Variants in AUTS2 observed in about 807,000 individuals in gnomAD.
The protein encoded by AUTS2 is autism susceptibility gene 2 protein.
In AUTS2, 17 loss-of-function variants were observed where a neutral mutation model predicts 112.4. That is an observed-to-expected ratio of 0.15 (90% confidence interval 0.10 to 0.23). The LOEUF (loss-of-function observed/expected upper bound fraction) is 0.23, where lower values mean the gene tolerates loss of function less well. AUTS2 is among the 10% of genes least tolerant of loss of function. The pLI is 1.00. For missense variants in AUTS2, 1,510 were observed against 1,701.6 expected (o/e 0.89, Z 1.98); for synonymous variants, 751 against 702.7 (o/e 1.07, Z -1.09).
chr7:69,831,292 A>G (rs1487704693), intron 1 of AUTS2, among the ~76,000 whole-genome samples: 3 of 152,202 alleles, frequency 2.0e-5, no homozygotes, highest in Non-Finnish European at 4.4e-5. Context: ...AAGCTCTGAT[A>G]GAAGCTCAGA....
chr7:69,806,079 T>C (rs1173549473), intron 1 of AUTS2, among the ~76,000 whole-genome samples: 1 of 148,754 alleles, frequency 6.7e-6, no homozygotes, highest in African/African-American at 2.6e-5. Flanking sequence ...TTGTAACTTT[T>C]GATAGAGACA....
chr7:69,763,771 G>A (rs1296432156), intron 1 of AUTS2, among the ~76,000 whole-genome samples: 2 of 152,208 alleles, frequency 1.3e-5, no homozygotes, highest in Non-Finnish European at 2.9e-5. Context: ...ATGTGCTGCT[G>A]TGGTTTTGTC....
intron 6 of AUTS2, among the ~76,000 whole-genome samples, chr7:70,754,088 G>A (rs898567308): frequency 2.6e-5 from 4 of 152,138 alleles, no homozygotes. Context: ...GTGAACCCAG[G>A]AAGCGGAGCT....
At chr7:69,738,229 AT>A (rs558364462) in intron 1 of AUTS2, among the ~76,000 whole-genome samples, 82 of 147,864 alleles carry the variant, frequency 5.5e-4, no homozygotes, top group African/African-American at 1.1e-3. Context: ...CCTTGGATCC[AT>A]TTTTTTTTTC....
intron 5 of AUTS2, among the ~76,000 whole-genome samples, chr7:70,612,597 G>A (rs1195284314): frequency 6.6e-6 from 1 of 152,024 alleles, no homozygotes; most frequent in Non-Finnish European, 1.5e-5. Context: ...GGCCTGGGTG[G>A]CACAGGGCTG....
At position 69,659,528 on chromosome 7, in the gene AUTS2, C is replaced by T. The variant is rs533591920; in HGVS notation, c.309+59566C>T. Among the ~76,000 whole-genome samples, 75 of 139,046 alleles carry T rather than the reference C, an allele frequency of 5.4e-4. 1 individual carries two copies. The highest frequency in any genetic ancestry group is 1.6e-3 in the African/African-American group (60 of 37,388). 91.2% of individuals were successfully genotyped at this position (139,046 alleles called of 152,430 possible). ...CAGGGGATGGATACTTACAACAGCT[C>T]TGCATGATAGGGATAATATTCCTAT... is the stretch of plus-strand genomic sequence containing the variant. On this transcript the variant is annotated intron_variant, in intron 1 of 18. Transcript: ENST00000342771.
At chr7:69,846,110 T>TG (rs398040324) in intron 1 of AUTS2, among the ~76,000 whole-genome samples, 17 of 151,936 alleles carry the variant, frequency 1.1e-4, no homozygotes, top group African/African-American at 3.9e-4. Flanking sequence ...TTTTTTTTTT[T>TG]GGTCTGTGCC....
At chr7:70,084,059 A>G (rs1006458412) in intron 2 of AUTS2, among the ~76,000 whole-genome samples, 1 of 152,140 alleles carries the variant, frequency 6.6e-6, no homozygotes, top group Non-Finnish European at 1.5e-5. Context: ...TCCCTGGCAA[A>G]AAAACAAAAC....
intron 2 of AUTS2, among the ~76,000 whole-genome samples, chr7:70,061,882 G>C (rs1802264934): frequency 6.6e-6 from 1 of 151,638 alleles, no homozygotes; most frequent in Non-Finnish European, 1.5e-5. Context: ...CTGCCTCCCG[G>C]GTTCAAGCAA....
At chr7:69,902,209 A>G (rs1794997124) in intron 2 of AUTS2, among the ~76,000 whole-genome samples, 1 of 152,156 alleles carries the variant, frequency 6.6e-6, no homozygotes, top group Non-Finnish European at 1.5e-5. Flanking sequence ...TTATGTGATC[A>G]TTGGTAAAAG....
chr7:70,174,503 A>C (rs1808879933), intron 4 of AUTS2, among the ~76,000 whole-genome samples: 1 of 152,212 alleles, frequency 6.6e-6, no homozygotes, highest in Admixed American at 6.5e-5. Context: ...ACTGTAGACA[A>C]AACAGCCTTC....
intron 2 of AUTS2, among the ~76,000 whole-genome samples, chr7:69,990,927 C>T (rs1457674508): frequency 6.6e-6 from 1 of 152,160 alleles, no homozygotes; most frequent in Non-Finnish European, 1.5e-5. Context: ...ATTTGTGTTC[C>T]TCAATCTCTG....
intron 2 of AUTS2, among the ~76,000 whole-genome samples, chr7:70,061,781 C>CTT (rs777176481): frequency 2.1e-5 from 3 of 140,370 alleles, no homozygotes; most frequent in African/African-American, 2.6e-5. Context: ...GTTATTTCTT[C>CTT]TTTTTTTTTT....
chr7:70,421,151 G>A (rs563854930), intron 4 of AUTS2, among the ~76,000 whole-genome samples: 2 of 152,188 alleles, frequency 1.3e-5, no homozygotes, highest in Admixed American at 6.5e-5. Context: ...GCATAAGAAG[G>A]TAGGATAGCC....
At chr7:70,284,721 G>A (rs190672211) in intron 4 of AUTS2, among the ~76,000 whole-genome samples, 58 of 152,176 alleles carry the variant, frequency 3.8e-4, no homozygotes, top group African/African-American at 1.3e-3. Flanking sequence ...TCTCAAGTTC[G>A]TTATAAAGAA....
intron 4 of AUTS2, among the ~76,000 whole-genome samples, chr7:70,429,583 C>G (rs986368031): frequency 6.6e-6 from 1 of 152,110 alleles, no homozygotes; most frequent in East Asian, 1.9e-4. Context: ...CCACACAATG[C>G]GAGGATGCCA....
chr7:70,784,746 A>G, intron 15 of AUTS2, 196 bp from the exon 16 acceptor site: 1 of 17,096 alleles, frequency 5.8e-5, no homozygotes, highest in Admixed American at 1.1e-3. Flanking sequence ...GCTTCCTAAA[A>G]AAAAAAAAAA....
intron 2 of AUTS2, among the ~76,000 whole-genome samples, chr7:70,011,135 A>G (rs886781687): frequency 9.9e-5 from 15 of 152,204 alleles, no homozygotes; most frequent in Non-Finnish European, 1.6e-4. Context: ...CTGATTTTCA[A>G]CCATGACTAA....
At chr7:69,689,668 ATTTATTTAT>A in intron 1 of AUTS2, among the ~76,000 whole-genome samples, 1 of 122,094 alleles carries the variant, frequency 8.2e-6, no homozygotes, top group East Asian at 2.5e-4. Context: ...TTATTTATTT[ATTTATTTAT>A]TTATTTATTT....
Sources: allele counts gnomAD v4.1 joint callset (sites outside exome capture counted in the v4.1 genomes callset), GRCh38; gene constraint gnomAD v4.1.1; transcripts MANE v1.5; gene names NCBI Gene and HGNC (gene_info 2026-07-23, HGNC 2026-07-21).